SYNE1: variants seen among roughly 807,000 people sequenced by gnomAD.
The protein encoded by SYNE1 is spectrin repeat containing nuclear envelope protein 1, also known as nesprin-1.
Under a neutral mutation model 1,111.0 loss-of-function variants are expected in SYNE1, and 616 were observed. The ratio of observed to expected loss-of-function variants is 0.55; its 90% CI spans 0.52 to 0.59. The LOEUF (loss-of-function observed/expected upper bound fraction) is 0.59, where lower values mean the gene tolerates loss of function less well. Among genes scored for constraint, SYNE1 ranks in the 20% least tolerant of loss-of-function variants. SYNE1 has a pLI of 0.00. For missense variants in SYNE1, 10,006 were observed against 10,417.0 expected (o/e 0.96, Z 1.72); for synonymous variants, 3,855 against 3,825.8 (o/e 1.01, Z -0.28).
intron 145 of SYNE1, chr6:152,128,923 C>T (rs2054472292): frequency 6.6e-6 from 1 of 152,240 alleles, no homozygotes; most frequent in Non-Finnish European, 1.5e-5. Flanking sequence ...TCAACCACAA[C>T]CTGTCTGTGA....
chr6:152,466,156 G>T, intron 16 of SYNE1, 78 bp from the exon 17 acceptor site: 2 of 892,612 alleles, frequency 2.2e-6, no homozygotes, highest in Non-Finnish European at 3.7e-6. Context: ...CTTCAGTATA[G>T]CTATAAGCAC....
At chr6:152,389,580 G>A (rs1455555739) in intron 53 of SYNE1, among the ~76,000 whole-genome samples, 1 of 152,204 alleles carries the variant, frequency 6.6e-6, no homozygotes, top group African/African-American at 2.4e-5. Flanking sequence ...TGAGAAGAGG[G>A]AGGTAGGGAG....
rs1183559257 is a variant in SYNE1, at chr6:152,407,091, A to G, written c.6646T>C (p.Cys2216Arg). ...RDEIEGWSNNCVPQMAENISN... is the reference protein window; with the variant it reads ...RDEIEGWSNNRVPQMAENISN... ...ATGTTTTCTGCCATCTGTGGAACGCAGTTGTTTGACCATCCCTCAATCTCA... is the reference window on the plus strand; with the variant it reads ...ATGTTTTCTGCCATCTGTGGAACGCGGTTGTTTGACCATCCCTCAATCTCA... The change falls in exon 45 of 146, where the codon TGC (cysteine) becomes CGC (arginine). Residue 2216 changes from cysteine (C) to arginine (R), a missense_variant. Physicochemically the swap from Cys to Arg is radical, Grantham distance 180. This residue lies in a region of SYNE1 where 4,955 missense variants were observed against 5,017.2 expected (regional missense o/e 0.99). Coordinates refer to ENST00000367255, the MANE Select transcript of SYNE1 (RefSeq NM_182961.4). 5.0e-6 allele frequency: 8 copies of G among 1,613,944 alleles called. No individual in the cohort carries two copies. Among genetic ancestry groups the G allele is most frequent in the Non-Finnish European group, 5.9e-6 (7 of 1,180,012 alleles).
rs1334310432 is a variant in SYNE1, at chr6:152,230,611, C to G, written c.21131G>C (p.Arg7044Thr). Residue 7044 changes from arginine (R) to threonine (T), a missense_variant, in exon 115 of 146, where the codon AGA becomes ACA. Physicochemically the swap from Arg to Thr is moderately conservative, Grantham distance 71 (BLOSUM62 -1). Around this residue, in one of 7 missense-constraint regions of SYNE1, gnomAD observed 2,182 missense variants for 2,287.8 expected, o/e 0.95. Coordinates refer to ENST00000367255, the MANE Select transcript of SYNE1 (RefSeq NM_182961.4). The part of the protein sequence containing the change: ...LKTWFETQEK[R>T]LKQQHRIGDQ... ...TCCAATTCGATGCTGTTGTTTTAGT[C>G]TCTTTTCCTGGGTTTCAAACCATGT... 47 of 1,613,950 alleles carry G rather than the reference C, an allele frequency of 2.9e-5. No individual in the cohort carries two copies. The highest frequency in any genetic ancestry group is 4.0e-5 in the Non-Finnish European group (47 of 1,179,994).
intron 3 of SYNE1, among the ~76,000 whole-genome samples, chr6:152,603,017 G>A (rs924573979): frequency 6.6e-6 from 1 of 152,142 alleles, no homozygotes; most frequent in Non-Finnish European, 1.5e-5. Context: ...CCAGACCAGG[G>A]TGGAGAAGCA....
rs746141355 is a variant in SYNE1 at position 152,255,652 on chromosome 6, C to T, written c.19199G>A (p.Arg6400His). Reference sequence around the variant, plus strand: ...TAAAAGTGCTGTGGCAACAAATAAACGTTCTTCAACGTCATCCAACCAAGT... The same window carrying T: ...TAAAAGTGCTGTGGCAACAAATAAATGTTCTTCAACGTCATCCAACCAAGT... Reference protein sequence around the residue: ...TSTWLDDVEERLFVATALLPE... With the variant: ...TSTWLDDVEEHLFVATALLPE... Residue 6400 changes from arginine (R) to histidine (H), a missense_variant, in exon 103 of 146, where the codon CGT (arginine) becomes CAT (histidine). Physicochemically the swap from Arg to His is conservative, Grantham distance 29 (BLOSUM62 0). Around this residue, in one of 7 missense-constraint regions of SYNE1, gnomAD observed 2,182 missense variants for 2,287.8 expected, o/e 0.95. Coordinates refer to ENST00000367255, the MANE Select transcript of SYNE1 (RefSeq NM_182961.4). 24 of 1,614,060 alleles carry T rather than the reference C, an allele frequency of 1.5e-5. No homozygotes were observed. Among genetic ancestry groups the T allele is most frequent in the Middle Eastern group, 1.6e-4 (1 of 6,084 alleles).
At chr6:152,314,180 C>T (rs2095639355) in intron 87 of SYNE1, among the ~76,000 whole-genome samples, 2 of 152,204 alleles carry the variant, frequency 1.3e-5, no homozygotes, top group African/African-American at 2.4e-5. Context: ...AAATACAAGT[C>T]TGAACTTGTC....
rs2153970528 is a variant in SYNE1 at position 152,330,332 on chromosome 6, T to C, written c.14353A>G (p.Lys4785Glu). 6.2e-7 allele frequency: 1 copy of C among 1,614,176 alleles called. No individual in the cohort carries two copies. The highest frequency in any genetic ancestry group is 2.2e-5 in the East Asian group (1 of 44,886). Residue 4785 changes from lysine to glutamate, a missense_variant, in exon 78 of 146, where the codon AAG becomes GAG. Physicochemically the swap from Lys to Glu is moderately conservative, Grantham distance 56 (BLOSUM62 1). Coordinates refer to ENST00000367255, the MANE Select transcript of SYNE1 (RefSeq NM_182961.4). Reference protein sequence around the residue: ...DTTSAYQEHEKMCQQLERQLK... With the variant: ...DTTSAYQEHEEMCQQLERQLK... ...TGTCTCTCCAGCTGTTGGCACATCTTCTCGTGTTCTTGGTAAGCACTGGTG... is the reference window on the plus strand; with the variant it reads ...TGTCTCTCCAGCTGTTGGCACATCTCCTCGTGTTCTTGGTAAGCACTGGTG...
chr6:152,631,406 C>T (rs971067011), intron 2 of SYNE1, among the ~76,000 whole-genome samples: 1 of 152,084 alleles, frequency 6.6e-6, no homozygotes, highest in African/African-American at 2.4e-5. Flanking sequence ...AGGTGGTGTC[C>T]AGATGGCGCA....
At chr6:152,490,405 A>G (rs1355558102) in intron 11 of SYNE1, among the ~76,000 whole-genome samples, 2 of 152,168 alleles carry the variant, frequency 1.3e-5, no homozygotes, top group Non-Finnish European at 2.9e-5. Flanking sequence ...GAAGAACCAC[A>G]AAATAAGTGA....
intron 126 of SYNE1, 109 bp downstream of exon 126, chr6:152,206,059 G>T (rs1587789737): frequency 6.5e-6 from 7 of 1,075,902 alleles, no homozygotes; most frequent in African/African-American, 1.6e-5. Context: ...AATACTGCAG[G>T]GTATTATTTC....
rs1376221118 is a variant in SYNE1, at chr6:152,367,023, T to C, written c.9972+195A>G. The C allele has an allele frequency of 6.8e-6, 5 of 736,832 alleles. No individual in the cohort carries two copies. The African/African-American group carries it at 8.7e-5, about 13-fold the overall frequency. 45.6% of individuals were successfully genotyped at this position (736,832 alleles called of 1,614,324 possible). On this transcript the variant is annotated intron_variant, in intron 62 of 145. Coordinates refer to ENST00000367255, the MANE Select transcript of SYNE1 (RefSeq NM_182961.4). ...TCGGGCTTTATTTTATTTTATTTTT[T>C]GGAAAACATCCGGGGTCAGATGATT...
intron 121 of SYNE1, among the ~76,000 whole-genome samples, chr6:152,216,721 G>C (rs921947905): frequency 6.6e-6 from 1 of 152,156 alleles, no homozygotes; most frequent in African/African-American, 2.4e-5. Flanking sequence ...AAATTTTCAT[G>C]CCTGTTGAAT....
chr6:152,550,105 A>C (rs1461786131), intron 3 of SYNE1, among the ~76,000 whole-genome samples: 1 of 152,194 alleles, frequency 6.6e-6, no homozygotes, highest in Non-Finnish European at 1.5e-5. Flanking sequence ...AGTACCCTAC[A>C]CCCTAGTGAT....
intron 63 of SYNE1, among the ~76,000 whole-genome samples, chr6:152,363,366 C>CAT (rs2096977007): frequency 2.0e-5 from 3 of 149,748 alleles, no homozygotes; most frequent in South Asian, 4.2e-4. Flanking sequence ...TGGTGGCGGG[C>CAT]GCCTGTAGTA....
At chr6:152,614,699 C>T (rs1248528774) in intron 3 of SYNE1, among the ~76,000 whole-genome samples, 2 of 152,160 alleles carry the variant, frequency 1.3e-5, no homozygotes, top group African/African-American at 2.4e-5. Context: ...TTTATTGCAG[C>T]ACTATTCACA....
chr6:152,619,302 C>T (rs1307728835), intron 3 of SYNE1, among the ~76,000 whole-genome samples: 3 of 152,090 alleles, frequency 2.0e-5, no homozygotes, highest in African/African-American at 4.8e-5. Flanking sequence ...ACAGAGACCA[C>T]GCCAAGGCCT....
chr6:152,218,191 C>CAA, intron 121 of SYNE1, 66 bp downstream of exon 121: 30 of 1,169,170 alleles, frequency 2.6e-5, no homozygotes, highest in South Asian at 2.9e-5. Flanking sequence ...GACTCCATCT[C>CAA]AAAAAAAAAA....
chr6:152,295,214 G>A (rs1052899930), intron 93 of SYNE1, among the ~76,000 whole-genome samples: 1 of 152,118 alleles, frequency 6.6e-6, no homozygotes. Context: ...TGGGATTGAG[G>A]ATTATATGAA....
Sources: allele counts gnomAD v4.1 joint callset (sites outside exome capture counted in the v4.1 genomes callset), GRCh38; gene constraint gnomAD v4.1.1; regional missense constraint gnomAD v4.1.1; transcripts MANE v1.5; gene names NCBI Gene and HGNC (gene_info 2026-07-23, HGNC 2026-07-21).